FSIP1: variants seen among roughly 807,000 people sequenced by gnomAD.
FSIP1 encodes the protein fibrous sheath interacting protein 1, also known as fibrous sheath-interacting protein 1.
Under a neutral mutation model 60.9 loss-of-function variants are expected in FSIP1, and 65 were observed. The observed-to-expected ratio is 1.07, with a 90% CI of 0.87 to 1.31. The LOEUF (loss-of-function observed/expected upper bound fraction) is 1.31. Ranked by LOEUF, FSIP1 falls within the 40% of genes most tolerant of loss-of-function variation. The pLI is 0.00. For missense variants in FSIP1, 675 were observed against 665.5 expected (o/e 1.01, Z -0.16); for synonymous variants, 209 against 221.2 (o/e 0.94, Z 0.49).
At chr15:39,648,534 C>CCA (rs1892727326) in intron 10 of FSIP1, among the ~76,000 whole-genome samples, 1 of 152,152 alleles carries the variant, frequency 6.6e-6, no homozygotes, top group South Asian at 2.1e-4. Context: ...TTCCAAGACC[C>CCA]CACCTTGTTA....
chr15:39,700,549 C>A (rs1047042866), intron 10 of FSIP1, among the ~76,000 whole-genome samples: 1 of 152,240 alleles, frequency 6.6e-6, no homozygotes, highest in East Asian at 1.9e-4. Context: ...TTTTTAAAGT[C>A]TGGTCACAAA....
chr15:39,777,405 C>T (rs1255558019), intron 1 of FSIP1, among the ~76,000 whole-genome samples: 1 of 152,194 alleles, frequency 6.6e-6, no homozygotes, highest in African/African-American at 2.4e-5. Flanking sequence ...AGCAAGAGAA[C>T]AAAACCTACT....
chr15:39,683,724 C>G (rs1048073496), intron 10 of FSIP1, among the ~76,000 whole-genome samples: 4 of 152,132 alleles, frequency 2.6e-5, no homozygotes, highest in Admixed American at 6.5e-5. Context: ...GTCATTTTAG[C>G]AAGTTCACAG....
intron 9 of FSIP1, among the ~76,000 whole-genome samples, chr15:39,718,697 A>G (rs913300639): frequency 1.3e-5 from 2 of 151,744 alleles, no homozygotes; most frequent in African/African-American, 4.8e-5. Flanking sequence ...GGGTTTCACT[A>G]TGTTGCCCGG....
intron 3 of FSIP1, among the ~76,000 whole-genome samples, chr15:39,767,466 T>C (rs1595401278): frequency 6.6e-6 from 1 of 152,180 alleles, no homozygotes; most frequent in South Asian, 2.1e-4. Context: ...TAGAGAAAGG[T>C]AGAGTCCCTG....
At chr15:39,737,260 C>T (rs1056914227) in intron 8 of FSIP1, among the ~76,000 whole-genome samples, 5 of 152,096 alleles carry the variant, frequency 3.3e-5, no homozygotes, top group African/African-American at 1.2e-4. Context: ...GCGTTTGCCC[C>T]ACCTCACCCC....
At chr15:39,629,899 C>A (rs1305890825) in intron 10 of FSIP1, among the ~76,000 whole-genome samples, 1 of 152,202 alleles carries the variant, frequency 6.6e-6, no homozygotes, top group African/African-American at 2.4e-5. Flanking sequence ...AATGGTCAGT[C>A]CTGACAAATT....
At chr15:39,681,736 A>G (rs770414638) in intron 10 of FSIP1, among the ~76,000 whole-genome samples, 10 of 152,222 alleles carry the variant, frequency 6.6e-5, no homozygotes, top group Non-Finnish European at 1.2e-4. Flanking sequence ...CCAGATGTAC[A>G]GTCAGTGTGC....
intron 5 of FSIP1, among the ~76,000 whole-genome samples, chr15:39,750,535 GA>G (rs1897132413): frequency 6.6e-6 from 1 of 151,884 alleles, no homozygotes; most frequent in Admixed American, 6.6e-5. Flanking sequence ...ACACAATGGG[GA>G]AAAGGTAGTC....
chr15:39,652,880 T>G (rs1892929200), intron 10 of FSIP1, among the ~76,000 whole-genome samples: 1 of 152,052 alleles, frequency 6.6e-6, no homozygotes, highest in African/African-American at 2.4e-5. Context: ...AAAATATTTT[T>G]TTAACGGTAT....
chr15:39,691,293 T>A (rs1369334428), intron 10 of FSIP1, among the ~76,000 whole-genome samples: 1 of 152,220 alleles, frequency 6.6e-6, no homozygotes, highest in Non-Finnish European at 1.5e-5. Context: ...CTTTAGTGAC[T>A]AAGTAGATGG....
Position 39,618,107 on chromosome 15 carries a change from G to A in FSIP1, c.1327C>T (p.Gln443Ter), listed in dbSNP as rs201832093. ...TTAGAGATGATGGACCTGGAAAGCT[G>A]GGGGAACACAGGTGTTACGTCCTCA... ...DIEDVTPVFP[Q>*]LSRSIISKLL... Residue 443 changes from glutamine to a stop codon, truncating the protein, a stop_gained, in exon 11 of 12, where the codon CAG becomes TAG. Coordinates refer to ENST00000350221, the MANE Select transcript of FSIP1 (RefSeq NM_152597.5). LOFTEE classifies it high-confidence loss of function. 13 of 1,614,008 alleles carry A rather than the reference G, an allele frequency of 8.1e-6. No homozygotes were observed. The highest frequency in any genetic ancestry group is 1.0e-5 in the Non-Finnish European group (12 of 1,180,024).
intron 10 of FSIP1, among the ~76,000 whole-genome samples, chr15:39,645,980 G>A (rs1303753922): frequency 2.6e-5 from 4 of 152,322 alleles, no homozygotes; most frequent in Non-Finnish European, 5.9e-5. Context: ...CGGGAGAGGA[G>A]ACTCATGGTG....
chr15:39,669,200 A>G (rs963789814), intron 10 of FSIP1, among the ~76,000 whole-genome samples: 1 of 152,146 alleles, frequency 6.6e-6, no homozygotes, highest in Admixed American at 6.5e-5. Context: ...GCCCATATTC[A>G]GTCCCTGAAC....
At chr15:39,743,274 C>T (rs1443520561) in intron 5 of FSIP1, among the ~76,000 whole-genome samples, 2 of 152,158 alleles carry the variant, frequency 1.3e-5, no homozygotes, top group Non-Finnish European at 2.9e-5. Flanking sequence ...TGAAATTACT[C>T]TTGTGACCCT....
chr15:39,757,549 T>C (rs1566915675), intron 5 of FSIP1, among the ~76,000 whole-genome samples: 1 of 152,086 alleles, frequency 6.6e-6, no homozygotes, highest in Non-Finnish European at 1.5e-5. Context: ...AGGTTAATAA[T>C]GCAGCCTAAA....
chr15:39,710,647 T>C (rs950682301), intron 10 of FSIP1, among the ~76,000 whole-genome samples: 2 of 152,126 alleles, frequency 1.3e-5, no homozygotes, highest in Non-Finnish European at 2.9e-5. Flanking sequence ...ACATTAATCA[T>C]GAAAAGGAAA....
intron 7 of FSIP1, among the ~76,000 whole-genome samples, chr15:39,739,204 GGCGGACAACCA>G (rs1896719272): frequency 6.6e-6 from 1 of 152,166 alleles, no homozygotes; most frequent in African/African-American, 2.4e-5. Flanking sequence ...CCAGAGAAGA[GGCGGACAACCA>G]GTTGGCTTCT....
chr15:39,649,664 T>C (rs559879410), intron 10 of FSIP1, among the ~76,000 whole-genome samples: 8 of 152,280 alleles, frequency 5.3e-5, no homozygotes, highest in African/African-American at 1.9e-4. Context: ...TACACCACTC[T>C]CAGGCTATTC....
Sources: gnomAD v4.1 joint callset for allele counts (sites outside exome capture counted in the v4.1 genomes callset) on GRCh38, gnomAD v4.1.1 for gene constraint, MANE v1.5 for transcripts, NCBI Gene and HGNC (gene_info 2026-07-23, HGNC 2026-07-21) for gene names.